The following AGBL1 variants were observed in gnomAD, a reference collection of about 807,000 sequenced individuals.
AGBL1 encodes cytosolic carboxypeptidase 4.
In AGBL1, 130 loss-of-function variants were observed where a neutral mutation model predicts 118.9. The observed-to-expected ratio is 1.09, with a 90% CI of 0.95 to 1.26. The LOEUF is 1.26. AGBL1 is among the 50% of genes most tolerant of loss of function. AGBL1 has a pLI of 0.00. For missense variants in AGBL1, 1,584 were observed against 1,298.1 expected (o/e 1.22, Z -3.38); for synonymous variants, 555 against 478.9 (o/e 1.16, Z -2.08).
intron 23 of AGBL1, among the ~76,000 whole-genome samples, chr15:86,978,692 G>C (rs1318803463): frequency 3.3e-5 from 5 of 152,174 alleles, no homozygotes; most frequent in African/African-American, 1.2e-4. Flanking sequence ...TCTGGGGTCA[G>C]GCTGTGAGCT....
chr15:86,278,873 C>A (rs7179947), intron 15 of AGBL1, among the ~76,000 whole-genome samples: 1 of 152,148 alleles, frequency 6.6e-6, no homozygotes, highest in Non-Finnish European at 1.5e-5. Context: ...TCTGAAGTAT[C>A]AAAATTGGTT....
At chr15:86,833,108 C>G (rs1179245583) in intron 22 of AGBL1, among the ~76,000 whole-genome samples, 1 of 152,108 alleles carries the variant, frequency 6.6e-6, no homozygotes, top group Non-Finnish European at 1.5e-5. Context: ...GACCCGCCCC[C>G]ATGATTCAAT....
At chr15:86,509,042 C>G (rs1337949054) in intron 18 of AGBL1, among the ~76,000 whole-genome samples, 1 of 152,094 alleles carries the variant, frequency 6.6e-6, no homozygotes, top group Non-Finnish European at 1.5e-5. Context: ...TCATCTGATA[C>G]TGAGAGTCTA....
chr15:86,450,557 A>G (rs1412445070), intron 18 of AGBL1, among the ~76,000 whole-genome samples: 1 of 152,188 alleles, frequency 6.6e-6, no homozygotes, highest in Non-Finnish European at 1.5e-5. Flanking sequence ...CATTCTGTTT[A>G]TTCAGGCCGG....
chr15:86,585,096 GTT>G (rs1168352145), intron 21 of AGBL1, among the ~76,000 whole-genome samples: 1 of 152,072 alleles, frequency 6.6e-6, no homozygotes, highest in East Asian at 1.9e-4. Flanking sequence ...AGTATTTAGG[GTT>G]TTCTAGACAT....
intron 18 of AGBL1, among the ~76,000 whole-genome samples, chr15:86,428,981 A>G (rs1030255496): frequency 6.6e-6 from 1 of 152,234 alleles, no homozygotes; most frequent in African/African-American, 2.4e-5. Context: ...GCTACTAACA[A>G]GTGAATATTG....
At chr15:86,607,961 A>G (rs2469167) in intron 21 of AGBL1, among the ~76,000 whole-genome samples, 77,692 of 151,998 alleles carry the variant, frequency 0.51, 20,050 homozygotes, top group East Asian at 0.73. Context: ...TCTATAAACC[A>G]TAAGAGAAAC....
intron 19 of AGBL1, among the ~76,000 whole-genome samples, chr15:86,542,308 AGTT>A (rs1324473716): frequency 6.7e-6 from 1 of 150,046 alleles, no homozygotes; most frequent in African/African-American, 2.4e-5. Flanking sequence ...CAAACTCTGT[AGTT>A]GTTCTCCTTT....
chr15:87,030,540 A>T (rs975329670), downstream of AGBL1, among the ~76,000 whole-genome samples: 3 of 151,980 alleles, frequency 2.0e-5, no homozygotes, highest in Non-Finnish European at 4.4e-5. Context: ...AAGAATAATC[A>T]AAGTGAGTTT....
chr15:86,472,958 C>T (rs1305308957), intron 18 of AGBL1, among the ~76,000 whole-genome samples: 1 of 152,002 alleles, frequency 6.6e-6, no homozygotes, highest in Non-Finnish European at 1.5e-5. Context: ...ACCCATTAGC[C>T]CAGAATCAAA....
At chr15:86,970,501 C>T (rs527334619) in intron 23 of AGBL1, among the ~76,000 whole-genome samples, 13 of 151,928 alleles carry the variant, frequency 8.6e-5, no homozygotes, top group Admixed American at 1.3e-4. Flanking sequence ...TCAGGCTCAA[C>T]GACGTTGAGC....
intron 14 of AGBL1, 140 bp downstream of exon 14, chr15:86,270,207 C>G: frequency 8.7e-7 from 1 of 1,153,170 alleles, no homozygotes; most frequent in Non-Finnish European, 1.2e-6. Flanking sequence ...TGCAGCAAGG[C>G]AGGCAGTGGC....
At position 86,361,147 on chromosome 15, in the gene AGBL1, G is replaced by T. The variant is rs764901804; in HGVS notation, c.2375-36219G>T. Among the ~76,000 whole-genome samples, 7 of 151,918 alleles carry T rather than the reference G, an allele frequency of 4.6e-5. No homozygotes were observed. The East Asian group carries it at 5.8e-4, about 13-fold the overall frequency. On this transcript the variant is annotated intron_variant, in intron 17 of 22. Coordinates refer to ENST00000614907, the MANE Select transcript of AGBL1 (RefSeq NM_001386094.1). ...GCTTTTCCTGCATCCAATAAATTTT[G>T]TTATGTAGCATTTTTGTTTTTGTCC...
At position 86,966,156 on chromosome 15, in the gene AGBL1, AG is replaced by A. The variant is rs2081050639; in HGVS notation, c.3222-21829del. Among the ~76,000 whole-genome samples the A allele has an allele frequency of 3.9e-5, 6 of 152,176 alleles. No individual in the cohort carries two copies. The South Asian group carries it at 1.2e-3, about 32-fold the overall frequency. The stretch of plus-strand genomic sequence containing the variant: ...AAACGCCTTTTCAAAATAGCAATAA[AG>A]GCTAAGGTATCAGGGACTCTGTAGT... On this transcript the variant is annotated intron_variant, in intron 23 of 24. Transcript: ENST00000441037.
rs560985060 is a variant in AGBL1 at position 86,436,660 on chromosome 15, A to ACTT, written c.2555+39115_2555+39117dup. On this transcript the variant is annotated intron_variant, in intron 18 of 22. Transcript: ENST00000614907. ...ACAATTACACTAAGTTAATGGGAAG[A>ACTT]CTTATATTAGTAATAATATTTGTTG... Among the ~76,000 whole-genome samples, 331 of 152,320 alleles carry ACTT rather than the reference A, an allele frequency of 2.2e-3. 4 individuals are homozygous for ACTT. The highest frequency in any genetic ancestry group is 7.6e-3 in the African/African-American group (314 of 41,580).
chr15:86,720,164 C>A (rs1224203315), intron 22 of AGBL1, among the ~76,000 whole-genome samples: 1 of 152,206 alleles, frequency 6.6e-6, no homozygotes, highest in Non-Finnish European at 1.5e-5. Flanking sequence ...GGCAATCAAT[C>A]CTGTGACATC....
At chr15:86,249,831 A>T (rs186848405) in intron 7 of AGBL1, among the ~76,000 whole-genome samples, 2 of 152,402 alleles carry the variant, frequency 1.3e-5, no homozygotes, top group East Asian at 3.9e-4. Flanking sequence ...TGTCTACGAT[A>T]GAAAGGTGGT....
intron 18 of AGBL1, among the ~76,000 whole-genome samples, chr15:86,485,123 TAGA>T (rs2082697377): frequency 6.6e-6 from 1 of 152,238 alleles, no homozygotes; most frequent in East Asian, 1.9e-4. Context: ...CAGGCGGGAA[TAGA>T]AGATCTGCTA....
At chr15:86,559,180 A>G (rs2083778710) in intron 21 of AGBL1, among the ~76,000 whole-genome samples, 1 of 152,126 alleles carries the variant, frequency 6.6e-6, no homozygotes, top group South Asian at 2.1e-4. Context: ...ATAAGAGCCC[A>G]CCTTACTCCA....
Sources: gnomAD v4.1 joint callset for allele counts (sites outside exome capture counted in the v4.1 genomes callset) on GRCh38, gnomAD v4.1.1 for gene constraint, MANE v1.5 for transcripts, NCBI Gene and HGNC (gene_info 2026-07-23, HGNC 2026-07-21) for gene names.